Variants in ADGB observed in about 807,000 individuals in gnomAD.
ADGB encodes calpain-7-like protein.
Under a neutral mutation model 210.5 loss-of-function variants are expected in ADGB, and 172 were observed. That is an observed-to-expected ratio of 0.82 (90% CI 0.72 to 0.93). ADGB has a LOEUF of 0.93. Ranked by LOEUF, ADGB falls within the 40% of genes least tolerant of loss-of-function variation. The probability of loss-of-function intolerance (pLI) is 0.00; values close to 1 mark genes in which losing one functional copy is unlikely to be tolerated. For synonymous variants in ADGB, 658 were observed against 662.7 expected, an observed-to-expected ratio of 0.99 and a Z score of 0.11; for missense variants, 2,025 against 1,964.8, an observed-to-expected ratio of 1.03 and a Z score of -0.58.
At chr6:146,767,303 A>G (rs1777589851) in intron 28 of ADGB, among the ~76,000 whole-genome samples, 1 of 152,220 alleles carries the variant, frequency 6.6e-6, no homozygotes. Flanking sequence ...CACAGATAAT[A>G]TAATCATATG....
At chr6:146,701,208 C>T (rs917036684) in intron 13 of ADGB, 138 bp downstream of exon 13, 4 of 999,034 alleles carry the variant, frequency 4.0e-6, no homozygotes, top group African/African-American at 3.3e-5. Context: ...TAAAATAAAT[C>T]TCTTATGTAT....
intron 5 of ADGB, among the ~76,000 whole-genome samples, chr6:146,661,500 G>A (rs1270018861): frequency 1.3e-5 from 2 of 151,822 alleles, no homozygotes; most frequent in Non-Finnish European, 2.9e-5. Context: ...TTACAGGTGT[G>A]AGCCACCACA....
At chr6:146,646,552 T>C (rs917400317) in intron 3 of ADGB, among the ~76,000 whole-genome samples, 5 of 152,110 alleles carry the variant, frequency 3.3e-5, no homozygotes, top group Non-Finnish European at 5.9e-5. Context: ...GTCAAGACTC[T>C]GTAACTTAAC....
Position 146,733,133 on chromosome 6 carries a change from C to A in ADGB, c.2534C>A (p.Ser845Tyr), listed in dbSNP as rs1186352352. The change falls in exon 21 of 36, where the codon TCC becomes TAC. Residue 845 changes from serine to tyrosine, a missense_variant. Ser to Tyr is a moderately radical substitution (Grantham distance 144, BLOSUM62 -2). Transcript: ENST00000397944. ...TATGTGTTTCAGGTTTTTCATCTTTCCTTATGGCGTTTAATGAAAAAAGTT... is the reference window on the plus strand; with the variant it reads ...TATGTGTTTCAGGTTTTTCATCTTTACTTATGGCGTTTAATGAAAAAAGTT... The part of the protein sequence containing the change: ...TAQHFRVFHL[S>Y]LWRLMKKVQI... The A allele has an allele frequency of 2.0e-6, 3 of 1,522,978 alleles. No homozygotes were observed. Among genetic ancestry groups the A allele is most frequent in the Non-Finnish European group, 2.6e-6 (3 of 1,132,684 alleles). The allele number at this position is 1,522,978 out of a possible 1,614,324, so 94.3% of individuals were successfully genotyped here. A position where few individuals can be genotyped will look rare whatever the true frequency, so the allele number is the denominator to read the frequency against.
At chr6:146,768,628 A>G (rs2114630588) in intron 28 of ADGB, among the ~76,000 whole-genome samples, 1 of 152,298 alleles carries the variant, frequency 6.6e-6, no homozygotes, top group East Asian at 1.9e-4. Context: ...CCTAAATATA[A>G]TAATAGATAA....
chr6:146,629,214 A>G (rs892307443), intron 1 of ADGB, among the ~76,000 whole-genome samples: 2 of 152,206 alleles, frequency 1.3e-5, no homozygotes, highest in African/African-American at 4.8e-5. Flanking sequence ...AAAGATCCCA[A>G]CTATACTAGA....
chr6:146,778,101 G>A (rs1264079521), intron 29 of ADGB, among the ~76,000 whole-genome samples: 1 of 152,148 alleles, frequency 6.6e-6, no homozygotes, highest in Admixed American at 6.6e-5. Context: ...TATGAGATTG[G>A]CTTATCTAAA....
intron 2 of ADGB, among the ~76,000 whole-genome samples, chr6:146,636,973 C>T (rs1338268267): frequency 6.6e-6 from 1 of 152,020 alleles, no homozygotes. Flanking sequence ...AGAGAAAGGT[C>T]TCACTTCTTT....
chr6:146,809,729 C>A (rs954009123), intron 35 of ADGB, among the ~76,000 whole-genome samples: 2 of 152,020 alleles, frequency 1.3e-5, no homozygotes, highest in African/African-American at 2.4e-5. Context: ...AAAATCGTTT[C>A]AAAAATGATG....
intron 1 of ADGB, among the ~76,000 whole-genome samples, chr6:146,620,320 T>C (rs1022330420): frequency 6.6e-6 from 1 of 152,164 alleles, no homozygotes; most frequent in Non-Finnish European, 1.5e-5. Flanking sequence ...GTAATCTTTC[T>C]CCAGGTTTGG....
At chr6:146,682,648 T>C (rs377227231) in intron 9 of ADGB, among the ~76,000 whole-genome samples, 8 of 152,248 alleles carry the variant, frequency 5.3e-5, no homozygotes, top group African/African-American at 1.9e-4. Context: ...GCCCCTAGAT[T>C]TAAACATTTG....
At chr6:146,720,367 G>A (rs527827907) in intron 16 of ADGB, among the ~76,000 whole-genome samples, 1 of 152,172 alleles carries the variant, frequency 6.6e-6, no homozygotes, top group South Asian at 2.1e-4. Context: ...AATAAGTACT[G>A]TTAATGTATA....
chr6:146,766,940 A>G (rs1193847928), intron 28 of ADGB, among the ~76,000 whole-genome samples: 1 of 152,210 alleles, frequency 6.6e-6, no homozygotes, highest in Non-Finnish European at 1.5e-5. Context: ...ATTAGTCACT[A>G]CAGTAATACA....
At chr6:146,706,185 G>A (rs1040245237) in intron 13 of ADGB, among the ~76,000 whole-genome samples, 2 of 151,536 alleles carry the variant, frequency 1.3e-5, no homozygotes, top group African/African-American at 4.8e-5. Flanking sequence ...GCCTCCCAAA[G>A]TTCTGTAATT....
chr6:146,638,612 G>T (rs1562261537), intron 2 of ADGB, among the ~76,000 whole-genome samples: 8 of 128,376 alleles, frequency 6.2e-5, no homozygotes, highest in South Asian at 3.1e-4. Context: ...TGTGGGGTGG[G>T]GGGGGGGGGG....
intron 33 of ADGB, among the ~76,000 whole-genome samples, chr6:146,799,514 C>CAG (rs1778093939): frequency 9.0e-6 from 1 of 111,430 alleles, no homozygotes; most frequent in African/African-American, 3.6e-5. Context: ...AGTCTAGCAA[C>CAG]AGAGCAAGAC....
chr6:146,782,072 C>A lies in ADGB; in HGVS notation c.3915C>A (p.His1305Gln). The change falls in exon 30 of 36, where the codon CAC (histidine) becomes CAA (glutamine). Residue 1305 changes from histidine (H) to glutamine (Q), a missense_variant. Coordinates refer to ENST00000397944, the MANE Select transcript of ADGB (RefSeq NM_024694.4). Reference protein sequence around the residue: ...ELINLGSPDSHTISEGQKSSV... With the variant: ...ELINLGSPDSQTISEGQKSSV... ...TTAACTTAGGAAGCCCAGACTCCCA[C>A]ACTATTAGTGAGGGACAAAAATCTT... The A allele has an allele frequency of 6.5e-7, 1 of 1,540,870 alleles. No individual in the cohort carries two copies. The highest frequency in any genetic ancestry group is 2.0e-5 in the Admixed American group (1 of 49,022).
At chr6:146,672,569 AC>A (rs1455017473) in intron 8 of ADGB, 102 bp downstream of exon 8, 2 of 1,333,116 alleles carry the variant, frequency 1.5e-6, no homozygotes, top group African/African-American at 3.0e-5. Flanking sequence ...TTTGATCCAG[AC>A]CCCAAGAGAG....
chr6:146,781,477 A>G (rs1406311975), intron 29 of ADGB, among the ~76,000 whole-genome samples: 1 of 152,056 alleles, frequency 6.6e-6, no homozygotes, highest in Non-Finnish European at 1.5e-5. Context: ...TGAATTAAAA[A>G]AAAAAACCGA....
Sources: gnomAD v4.1 joint callset for allele counts (sites outside exome capture counted in the v4.1 genomes callset) on GRCh38, gnomAD v4.1.1 for gene constraint, MANE v1.5 for transcripts, NCBI Gene and HGNC (gene_info 2026-07-23, HGNC 2026-07-21) for gene names.